GRIP2: variants seen among roughly 807,000 people sequenced by gnomAD.
GRIP2 encodes glutamate receptor-interacting protein 2.
GRIP2 carries 58 observed loss-of-function variants against 108.3 expected under a neutral mutation model. The ratio of observed to expected loss-of-function variants is 0.54; its 90% CI spans 0.43 to 0.67. The LOEUF (loss-of-function observed/expected upper bound fraction) is 0.67, where lower values mean the gene tolerates loss of function less well. GRIP2 is among the 30% of genes least tolerant of loss of function. GRIP2 has a pLI of 0.00. For missense variants in GRIP2, 1,278 were observed against 1,430.6 expected, an observed-to-expected ratio of 0.89 and a Z score of 1.72; for synonymous variants, 586 against 598.2, an observed-to-expected ratio of 0.98 and a Z score of 0.30.
chr3:14,533,604 G>C (rs1008572966), intron 1 of GRIP2, among the ~76,000 whole-genome samples: 1 of 152,076 alleles, frequency 6.6e-6, no homozygotes, highest in Non-Finnish European at 1.5e-5. Context: ...CAGGGTGCCC[G>C]ATGTTGGCTG....
chr3:14,565,010 C>T, the GRIP2 span, among the ~76,000 whole-genome samples: 1 of 152,234 alleles, frequency 6.6e-6, no homozygotes, highest in Admixed American at 6.5e-5. Flanking sequence ...ACAAGGGGCA[C>T]GGCACAGCCC....
Position 14,503,667 on chromosome 3 carries a change from C to T in GRIP2, c.2578G>A (p.Ala860Thr). The part of the protein sequence containing the change: ...EDDWEPPTSP[A>T]PGPAREEGFW... ...CCCTCCTCTCGGGCAGGGCCAGGGG[C>T]TGGGCTGTAACGTAGGAACCAGAGA... The change falls in exon 21 of 24, where the codon GCC (alanine) becomes ACC (threonine). Residue 860 changes from alanine (A) to threonine (T), a missense_variant. Coordinates refer to ENST00000621039, the MANE Select transcript of GRIP2 (RefSeq NM_001080423.4). 1 of 1,355,588 alleles carries T rather than the reference C, an allele frequency of 7.4e-7. No homozygotes were observed. Among genetic ancestry groups the T allele is most frequent in the South Asian group, 1.2e-5 (1 of 85,860 alleles). 84.0% of individuals were successfully genotyped at this position (1,355,588 alleles called of 1,614,324 possible). A position where few individuals can be genotyped will look rare whatever the true frequency, so the allele number is the denominator to read the frequency against.
At chr3:14,531,476 G>C (rs561989947) in intron 1 of GRIP2, among the ~76,000 whole-genome samples, 1 of 152,336 alleles carries the variant, frequency 6.6e-6, no homozygotes, top group South Asian at 2.1e-4. Context: ...GCGGGGCTCT[G>C]CCTGAGTTAA....
the GRIP2 span, among the ~76,000 whole-genome samples, chr3:14,564,419 C>T: frequency 6.6e-6 from 1 of 152,214 alleles, no homozygotes; most frequent in African/African-American, 2.4e-5. Context: ...CCACTCTGAC[C>T]CCAGGCTCCC....
rs1171451457 is a variant in GRIP2 at position 14,503,576 on chromosome 3, C to T, written c.2669G>A (p.Arg890Lys). 6.2e-7 allele frequency: 1 copy of T among 1,609,748 alleles called. No homozygotes were observed. ...GGCAGGCAGCCATACCTCCAGTTCCCTCAGCAGCTCTGACTGACCACATGA... is the reference window on the plus strand; with the variant it reads ...GGCAGGCAGCCATACCTCCAGTTCCTTCAGCAGCTCTGACTGACCACATGA... ...LESCGQSELL[R>K]ELEASIMTGT... Residue 890 changes from arginine (R) to lysine (K), a missense_variant, in exon 21 of 24, where the codon AGG (arginine) becomes AAG (lysine). By Grantham distance (26) the Arg-to-Lys change is conservative (BLOSUM62 2). Coordinates refer to ENST00000621039, the MANE Select transcript of GRIP2 (RefSeq NM_001080423.4).
At chr3:14,560,726 TG>T (rs202240652), upstream of GRIP2, among the ~76,000 whole-genome samples, 3,776 of 152,334 alleles carry the variant, frequency 0.025, 78 homozygotes, top group Middle Eastern at 0.078. Flanking sequence ...TGCCTGAAGT[TG>T]GGTATCCCTT....
the GRIP2 span, among the ~76,000 whole-genome samples, chr3:14,564,340 G>A: frequency 6.6e-6 from 1 of 152,244 alleles, no homozygotes; most frequent in Admixed American, 6.5e-5. Flanking sequence ...CGGTCCTCGT[G>A]TGCCACGGGG....
rs1162244573 is a variant in GRIP2 at position 14,524,646 on chromosome 3, T to C, written c.258-108A>G. ...TCCCTATGATCACTGGATCCTCATT[T>C]CACAAATGGGGAAGCTGAGGCTTAG... On this transcript the variant is annotated intron_variant, in intron 3 of 23. Coordinates refer to ENST00000621039, the MANE Select transcript of GRIP2 (RefSeq NM_001080423.4). 5.5e-6 allele frequency: 7 copies of C among 1,265,172 alleles called. No individual in the cohort carries two copies. The African/African-American group carries it at 9.0e-5, about 16-fold the overall frequency. The allele number at this position is 1,265,172 out of a possible 1,614,324, so 78.4% of individuals were successfully genotyped here.
intron 1 of GRIP2, 26 bp from the exon 2 acceptor site, chr3:14,525,957 C>G: frequency 6.5e-7 from 1 of 1,545,194 alleles, no homozygotes. Context: ...AGGGAAAGGC[C>G]GAGTTCCACT....
chr3:14,537,326 C>T (rs546539035), intron 1 of GRIP2, among the ~76,000 whole-genome samples: 3 of 152,324 alleles, frequency 2.0e-5, no homozygotes, highest in African/African-American at 7.2e-5. Flanking sequence ...CCTGTTGGAA[C>T]TTACACACGC....
At chr3:14,550,917 C>A (rs574037430) in intron 1 of GRIP2, among the ~76,000 whole-genome samples, 1 of 152,364 alleles carries the variant, frequency 6.6e-6, no homozygotes, top group East Asian at 1.9e-4. Flanking sequence ...CCCGCTTCGC[C>A]TGCCCACCTG....
intron 13 of GRIP2, 26 bp downstream of exon 13, chr3:14,513,639 G>C (rs768758900): frequency 1.9e-6 from 3 of 1,588,802 alleles, no homozygotes; most frequent in South Asian, 2.3e-5. Context: ...TGAAATATGA[G>C]GAGGAAGCTT....
At position 14,491,879 on chromosome 3, in the gene GRIP2, A is replaced by T. The variant is rs1483265598; in HGVS notation, c.*1786T>A. The T allele has an allele frequency of 6.6e-6, 1 of 152,290 alleles. No homozygotes were observed. The highest frequency in any genetic ancestry group is 1.5e-5 in the Non-Finnish European group (1 of 68,088). 9.4% of individuals were successfully genotyped at this position (152,290 alleles called of 1,614,324 possible). ...TGGCTTTCACTTGGTGCCCTGTGACAGGTAGACAGTGCCCTTTCACTCTGG... is the reference window on the plus strand; with the variant it reads ...TGGCTTTCACTTGGTGCCCTGTGACTGGTAGACAGTGCCCTTTCACTCTGG... On this transcript the variant is annotated 3_prime_UTR_variant, in exon 24 of 24. Coordinates refer to ENST00000621039, the MANE Select transcript of GRIP2 (RefSeq NM_001080423.4).
At chr3:14,564,016 C>T in the GRIP2 span, among the ~76,000 whole-genome samples, 1 of 152,180 alleles carries the variant, frequency 6.6e-6, no homozygotes, top group East Asian at 1.9e-4. Context: ...CTCTGAGGCT[C>T]AGGAAGCAGA....
chr3:14,589,854 C>T, the GRIP2 span, among the ~76,000 whole-genome samples: 1 of 149,578 alleles, frequency 6.7e-6, no homozygotes, highest in Non-Finnish European at 1.5e-5. Context: ...GACCATGGCT[C>T]ACTGCAGCCT....
At chr3:14,590,244 T>C in the GRIP2 span, among the ~76,000 whole-genome samples, 19 of 152,342 alleles carry the variant, frequency 1.2e-4, no homozygotes, top group African/African-American at 4.1e-4. Flanking sequence ...TTCTAATCGC[T>C]GCCTGCTCAG....
chr3:14,591,465 T>C, the GRIP2 span, among the ~76,000 whole-genome samples: 5 of 152,034 alleles, frequency 3.3e-5, no homozygotes, highest in African/African-American at 1.2e-4. Context: ...AGGTTCTCAA[T>C]TATGAGATGG....
At chr3:14,541,920 A>G (rs73033843), upstream of GRIP2, 2 of 1,345,058 alleles carry the variant, frequency 1.5e-6, no homozygotes, top group Non-Finnish European at 2.0e-6. Context: ...GAGGCTCGCC[A>G]TGAAGACCCT....
the GRIP2 span, among the ~76,000 whole-genome samples, chr3:14,586,909 G>A: frequency 1.3e-5 from 2 of 152,036 alleles, no homozygotes; most frequent in African/African-American, 2.4e-5. Context: ...AAAGCCAGGT[G>A]AAGAAAAAAC....
Sources: gnomAD v4.1 joint callset for allele counts (sites outside exome capture counted in the v4.1 genomes callset) on GRCh38, gnomAD v4.1.1 for gene constraint, MANE v1.5 for transcripts, NCBI Gene and HGNC (gene_info 2026-07-23, HGNC 2026-07-21) for gene names.